The following GNL3L variants were observed in gnomAD, a reference collection of about 807,000 sequenced individuals.
GNL3L encodes the protein guanine nucleotide-binding protein-like 3-like protein.
Under a neutral mutation model 42.9 loss-of-function variants are expected in GNL3L, and 4 were observed. The ratio of observed to expected loss-of-function variants is 0.09; its 90% CI spans 0.05 to 0.21. GNL3L has a LOEUF of 0.21. Ranked by LOEUF, GNL3L falls within the 10% of genes least tolerant of loss-of-function variation. GNL3L has a pLI of 1.00. For synonymous variants in GNL3L, 159 were observed against 176.3 expected, an observed-to-expected ratio of 0.90 and a Z score of 0.78; for missense variants, 412 against 481.7, an observed-to-expected ratio of 0.86 and a Z score of 1.36.
intron 16 of GNL3L, among the ~76,000 whole-genome samples, chrX:54,601,354 A>C (rs777504042): frequency 2.9e-4 from 32 of 111,905 alleles, no homozygotes; most frequent in Non-Finnish European, 1.5e-4. Context: ...ATTATATGCT[A>C]TGTGATTTAT....
chrX:54,566,134 C>T lies in GNL3L; in HGVS notation c.*5532C>T, dbSNP rs1172615503. Among the ~76,000 whole-genome samples, 1 of 111,598 alleles carries T rather than the reference C, an allele frequency of 9.0e-6. No homozygotes were observed. Among genetic ancestry groups the T allele is most frequent in the Admixed American group, 9.6e-5 (1 of 10,446 alleles). On this transcript the variant is annotated 3_prime_UTR_variant, in exon 16 of 16. Transcript: ENST00000360845. ...TTGTGCCTGGCCAGTATCTTGTCTT[C>T]TCATTCTGTAAACGGTGTCTTTTTT...
chrX:54,617,352 C>T (rs1035215452), intron 16 of GNL3L, among the ~76,000 whole-genome samples: 1 of 112,020 alleles, frequency 8.9e-6, no homozygotes, highest in Non-Finnish European at 1.9e-5. Context: ...CGTTTCCTCA[C>T]CTTTTACCCA....
chrX:54,582,379 C>A (rs1925727993), intron 16 of GNL3L, among the ~76,000 whole-genome samples: 1 of 111,802 alleles, frequency 8.9e-6, no homozygotes, highest in African/African-American at 3.3e-5. Context: ...AAATAAATCT[C>A]TTTTCTTTAT....
At chrX:54,540,008 A>T (rs192294248) in intron 3 of GNL3L, 127 bp from the exon 4 acceptor site, 316 of 478,391 alleles carry the variant, frequency 6.6e-4, no homozygotes, top group Middle Eastern at 6.3e-3. Flanking sequence ...AGAGGATGAG[A>T]GGATTGAGAG....
rs746478126 is a variant in GNL3L at position 54,614,173 on chromosome X, A to G, written c.*46-6672A>G. Among the ~76,000 whole-genome samples, 111 of 110,424 alleles carry G rather than the reference A, an allele frequency of 1.0e-3. No individual in the cohort carries two copies. The Middle Eastern group carries it at 0.014, about 14-fold the overall frequency. On this transcript the variant is annotated intron_variant, in intron 16 of 16. Coordinates refer to the GNL3L transcript ENST00000674498. ...ACCTAGGAGAATTATGGCTGCCTCA[A>G]CTGAGTCATGCAGGTTGTCAGGGAA...
At chrX:54,555,854 A>G (rs1417467844) in intron 14 of GNL3L, among the ~76,000 whole-genome samples, 1 of 108,758 alleles carries the variant, frequency 9.2e-6, no homozygotes, top group Non-Finnish European at 1.9e-5. Flanking sequence ...TGGCTCCCCA[A>G]CACCTACACA....
At chrX:54,634,000 A>G in the GNL3L span, among the ~76,000 whole-genome samples, 2 of 112,610 alleles carry the variant, frequency 1.8e-5, no homozygotes, top group Non-Finnish European at 3.8e-5. Context: ...CAGTTGTATC[A>G]AGGATCGTAT....
At chrX:54,555,013 A>T (rs1316433633) in intron 14 of GNL3L, among the ~76,000 whole-genome samples, 17 of 108,754 alleles carry the variant, frequency 1.6e-4, no homozygotes, top group Non-Finnish European at 3.2e-4. Context: ...TTTATTTTTT[A>T]TTTTTTTATT....
At chrX:54,572,015 A>AT (rs759203283), downstream of GNL3L, among the ~76,000 whole-genome samples, 31 of 100,653 alleles carry the variant, frequency 3.1e-4, no homozygotes, top group Middle Eastern at 0.014. Context: ...TTATTTATTT[A>AT]TTTTTTTTTA....
the GNL3L span, among the ~76,000 whole-genome samples, chrX:54,628,921 T>TTA: frequency 1.3e-4 from 14 of 104,654 alleles, no homozygotes; most frequent in African/African-American, 4.2e-4. Flanking sequence ...TATAATATAA[T>TTA]TATAAAATAT....
chrX:54,553,074 A>AC (rs766774101), intron 13 of GNL3L, among the ~76,000 whole-genome samples: 30 of 112,502 alleles, frequency 2.7e-4, no homozygotes, highest in Non-Finnish European at 5.4e-4. Context: ...CAGTAAGTCC[A>AC]CCCGATAAGG....
intron 16 of GNL3L, among the ~76,000 whole-genome samples, chrX:54,573,280 C>T (rs1163547537): frequency 1.8e-5 from 2 of 113,440 alleles, no homozygotes; most frequent in Non-Finnish European, 3.7e-5. Context: ...GAACCAGACT[C>T]CGTCTGCAAT....
At chrX:54,579,893 G>A (rs914251157) in intron 16 of GNL3L, among the ~76,000 whole-genome samples, 1 of 107,147 alleles carries the variant, frequency 9.3e-6, no homozygotes, top group Admixed American at 1.0e-4. Flanking sequence ...GGCCAGGCTC[G>A]TCTTGAACTC....
chrX:54,630,851 A>G, the GNL3L span, among the ~76,000 whole-genome samples: 1 of 101,715 alleles, frequency 9.8e-6, no homozygotes, highest in East Asian at 3.0e-4. Flanking sequence ...TTTGTCACCC[A>G]GGCTGGAGTG....
At chrX:54,569,237 G>A (rs1269276639), downstream of GNL3L, among the ~76,000 whole-genome samples, 2 of 111,845 alleles carry the variant, frequency 1.8e-5, no homozygotes, top group African/African-American at 6.5e-5. Flanking sequence ...TGACCTCATA[G>A]AATGGGTTGG....
rs1363762808 is a variant in GNL3L, at chrX:54,530,220, G to A, written c.-247G>A. The A allele has an allele frequency of 1.0e-5, 1 of 95,753 alleles. No homozygotes were observed. Among genetic ancestry groups the A allele is most frequent in the Non-Finnish European group, 2.1e-5 (1 of 48,763 alleles). 7.9% of individuals were successfully genotyped at this position (95,753 alleles called of 1,213,427 possible). On this transcript the variant is annotated 5_prime_UTR_variant, in exon 1 of 16. Transcript: ENST00000360845. ...GGCGCCGCCGGCCTGGGATCCGGAA[G>A]TCGGAGCCTAGCTGCGCGAGAGTTT...
intron 16 of GNL3L, among the ~76,000 whole-genome samples, chrX:54,575,699 A>G (rs971372894): frequency 9.0e-6 from 1 of 111,097 alleles, no homozygotes; most frequent in South Asian, 3.8e-4. Flanking sequence ...TCGCCACTGC[A>G]CTCCAGCCTG....
Position 54,552,431 on chromosome X carries a change from A to G in GNL3L, c.1318+3A>G. On this transcript the variant is annotated splice_donor_region_variant and intron_variant, in intron 13 of 15. Coordinates refer to ENST00000360845, the MANE Select transcript of GNL3L (RefSeq NM_001184819.2). The stretch of plus-strand genomic sequence containing the variant: ...GGCCAATGAAGACACCATGGAATGT[A>G]AGTGTGGGCAGGGTGGGTGCACTTG... The G allele has an allele frequency of 8.3e-7, 1 of 1,208,818 alleles. No homozygotes were observed. The highest frequency in any genetic ancestry group is 3.0e-5 in the East Asian group (1 of 33,789).
At chrX:54,621,062 C>T (rs1205380881) in exon 17 of GNL3L, among the ~76,000 whole-genome samples, 1 of 112,305 alleles carries the variant, frequency 8.9e-6, no homozygotes, top group Non-Finnish European at 1.9e-5. Context: ...CTGCAGCAAT[C>T]TCACTCATCC....
Sources: gnomAD v4.1 joint callset for allele counts (sites outside exome capture counted in the v4.1 genomes callset) on GRCh38, gnomAD v4.1.1 for gene constraint, MANE v1.5 for transcripts, NCBI Gene and HGNC (gene_info 2026-07-23, HGNC 2026-07-21) for gene names.